Variants in POM121 observed in about 807,000 individuals in gnomAD.
POM121 encodes nuclear envelope pore membrane protein POM 121.
POM121 carries 32 observed loss-of-function variants against 81.3 expected under a neutral mutation model. The observed-to-expected ratio is 0.39, with a 90% CI of 0.30 to 0.53. POM121 has a LOEUF of 0.53. Among genes scored for constraint, POM121 ranks in the 20% least tolerant of loss-of-function variants. The pLI is 0.66. For missense variants in POM121, 1,138 were observed against 1,614.6 expected (o/e 0.70, Z 5.06); for synonymous variants, 514 against 694.2 (o/e 0.74, Z 4.08).
Position 72,904,587 on chromosome 7 carries a change from C to G in POM121, c.-215-9178C>G, listed in dbSNP as rs188269321. ...AAACCACGCTGGGAATGTGGGCTGC[C>G]ATCTTCAAGGCTCCCACTGAACTAT... On this transcript the variant is annotated intron_variant, in intron 3 of 15. Coordinates refer to the POM121 transcript ENST00000395270. Among the ~76,000 whole-genome samples, 624 of 152,266 alleles carry G rather than the reference C, an allele frequency of 4.1e-3. 2 individuals are homozygous for G. Among genetic ancestry groups the G allele is most frequent in the Non-Finnish European group, 7.0e-3 (476 of 68,016 alleles).
intron 1 of POM121, among the ~76,000 whole-genome samples, chr7:72,887,013 C>G (rs1790788845): frequency 6.6e-6 from 1 of 151,818 alleles, no homozygotes; most frequent in African/African-American, 2.4e-5. Context: ...TTCTTGTTGC[C>G]TGTATATTAG....
rs71071923 is a variant in POM121 at position 72,894,626 on chromosome 7, GGAGA to G, written c.-216+3569_-216+3572del. On this transcript the variant is annotated intron_variant, in intron 3 of 15. Transcript: ENST00000395270. The stretch of plus-strand genomic sequence containing the variant: ...GAGAGAGAGAGAGATGAGAGAGAGA[GGAGA>G]GAGAGAGAGAGAGAGAGAGAGAGAG... 8.1e-4 allele frequency among the ~76,000 whole-genome samples: 19 copies of G among 23,324 alleles called. 2 individuals are homozygous for G. The highest frequency in any genetic ancestry group is 1.7e-3 in the Admixed American group (3 of 1,740). The allele number at this position is 23,324 out of a possible 152,430, so 15.3% of individuals were successfully genotyped here. A position where few individuals can be genotyped will look rare whatever the true frequency, so the allele number is the denominator to read the frequency against.
chr7:72,932,663 C>T (rs1186792043), intron 5 of POM121, among the ~76,000 whole-genome samples: 1 of 152,204 alleles, frequency 6.6e-6, no homozygotes, highest in African/African-American at 2.4e-5. Flanking sequence ...ACTCAGCATT[C>T]CCCTCAGCGT....
chr7:72,945,772 G>T, intron 12 of POM121, 64 bp downstream of exon 12: 1 of 1,555,558 alleles, frequency 6.4e-7, no homozygotes. Flanking sequence ...CGGGGTGGCA[G>T]GTTCCTGGTC....
downstream of POM121, chr7:72,949,291 C>G (rs529204079): frequency 1.2e-6 from 1 of 835,620 alleles, no homozygotes; most frequent in East Asian, 2.4e-5. Flanking sequence ...AGTCCCTCAG[C>G]CACGCCTTCT....
chr7:72,913,733 C>G (rs1179051651), intron 3 of POM121: 2 of 152,358 alleles, frequency 1.3e-5, no homozygotes, highest in Non-Finnish European at 2.9e-5. Context: ...ATTGATTCCT[C>G]TCCCTGAAAC....
At chr7:72,938,934 C>G (rs1796792811) in intron 6 of POM121, among the ~76,000 whole-genome samples, 1 of 152,206 alleles carries the variant, frequency 6.6e-6, no homozygotes, top group Non-Finnish European at 1.5e-5. Flanking sequence ...GCACAGAGGC[C>G]ATGCAGAGTG....
Position 72,943,001 on chromosome 7 carries a change from C to T in POM121, c.3008C>T (p.Pro1003Leu), listed in dbSNP as rs138550964. ...TTCACTTTTGGAAACTCTGCAGCCCCGGCTGCTGCACCCACACCTGCACCT... is the reference window on the plus strand; with the variant it reads ...TTCACTTTTGGAAACTCTGCAGCCCTGGCTGCTGCACCCACACCTGCACCT... ...SSFTFGNSAA[P>L]AAAPTPAPPS... The change falls in exon 11 of 13, where the codon CCG becomes CTG. Residue 1003 changes from proline to leucine, a missense_variant. Transcript: ENST00000434423. 2.0e-4 allele frequency: 317 copies of T among 1,613,498 alleles called. No homozygotes were observed. Among genetic ancestry groups the T allele is most frequent in the Non-Finnish European group, 2.6e-4 (309 of 1,179,780 alleles).
chr7:72,899,488 C>T (rs1381299697), intron 3 of POM121, among the ~76,000 whole-genome samples: 7 of 151,762 alleles, frequency 4.6e-5, no homozygotes, highest in Admixed American at 1.3e-4. Flanking sequence ...TGGGAAATGT[C>T]GGAGACGGGT....
intron 3 of POM121, among the ~76,000 whole-genome samples, chr7:72,927,827 T>C (rs1795615076): frequency 6.6e-6 from 1 of 152,190 alleles, no homozygotes; most frequent in Non-Finnish European, 1.5e-5. Context: ...GAGCACCCAC[T>C]GTGTATGGGA....
At chr7:72,931,651 A>G (rs1554498626) in intron 5 of POM121, among the ~76,000 whole-genome samples, 1 of 151,578 alleles carries the variant, frequency 6.6e-6, no homozygotes, top group African/African-American at 2.4e-5. Flanking sequence ...ACTCACTGCA[A>G]TCTCCGCTTC....
intron 1 of POM121, among the ~76,000 whole-genome samples, chr7:72,882,782 TC>T (rs1790291384): frequency 1.3e-5 from 2 of 152,252 alleles, no homozygotes; most frequent in South Asian, 4.1e-4. Context: ...TTTCTGTTTC[TC>T]ATTTCACTTC....
upstream of POM121, among the ~76,000 whole-genome samples, chr7:72,923,654 C>CAG (rs1215613999): frequency 7.5e-6 from 1 of 132,538 alleles, no homozygotes; most frequent in East Asian, 2.2e-4. Context: ...GGCTGGAGTG[C>CAG]AGTGGCGGGA....
At chr7:72,939,072 G>A (rs1216034088) in intron 6 of POM121, among the ~76,000 whole-genome samples, 1 of 152,234 alleles carries the variant, frequency 6.6e-6, no homozygotes, top group Non-Finnish European at 1.5e-5. Flanking sequence ...AGAACTCCCA[G>A]GGACTTGATA....
intron 3 of POM121, among the ~76,000 whole-genome samples, chr7:72,898,951 G>A (rs1792262943): frequency 7.7e-6 from 1 of 130,556 alleles, no homozygotes; most frequent in South Asian, 2.5e-4. Context: ...TTTATTTTGT[G>A]TTTCTGTGTT....
At chr7:72,882,943 A>G (rs1181558686) in intron 1 of POM121, among the ~76,000 whole-genome samples, 1 of 152,062 alleles carries the variant, frequency 6.6e-6, no homozygotes, top group Non-Finnish European at 1.5e-5. Flanking sequence ...TTCCAAACTG[A>G]TATTTTCTCC....
chr7:72,899,995 G>A (rs1398901296), intron 3 of POM121, among the ~76,000 whole-genome samples: 2 of 152,196 alleles, frequency 1.3e-5, no homozygotes, highest in African/African-American at 4.8e-5. Context: ...GGCCAAGCAA[G>A]AGAACCATCT....
intron 4 of POM121, among the ~76,000 whole-genome samples, chr7:72,918,106 A>G (rs1554495391): frequency 1.3e-5 from 2 of 152,206 alleles, no homozygotes; most frequent in South Asian, 2.1e-4. Flanking sequence ...TGGAACATGA[A>G]GGTGGACTAG....
At chr7:72,917,598 C>T (rs782797276) in intron 4 of POM121, among the ~76,000 whole-genome samples, 1 of 152,170 alleles carries the variant, frequency 6.6e-6, no homozygotes, top group Non-Finnish European at 1.5e-5. Context: ...CACGAAATGC[C>T]ACAGACCATG....
Sources: allele counts gnomAD v4.1 joint callset (sites outside exome capture counted in the v4.1 genomes callset), GRCh38; gene constraint gnomAD v4.1.1; transcripts MANE v1.5; gene names NCBI Gene and HGNC (gene_info 2026-07-23, HGNC 2026-07-21).